COMMD1: variants seen among roughly 807,000 people sequenced by gnomAD.
COMMD1 encodes copper metabolism domain containing 1, also known as COMM domain-containing protein 1.
COMMD1 carries 10 observed loss-of-function variants against 17.2 expected under a neutral mutation model. The ratio of observed to expected loss-of-function variants is 0.58; its 90% CI spans 0.36 to 0.99. The LOEUF (loss-of-function observed/expected upper bound fraction) is 0.99. Among genes scored for constraint, COMMD1 ranks in the 50% least tolerant of loss-of-function variants. The probability of loss-of-function intolerance (pLI) is 0.01; values close to 1 mark genes in which losing one functional copy is unlikely to be tolerated. For missense variants in COMMD1, 270 were observed against 231.8 expected, an observed-to-expected ratio of 1.17 and a Z score of -1.07; for synonymous variants, 97 against 91.6, an observed-to-expected ratio of 1.06 and a Z score of -0.34.
At chr2:62,017,202 A>G (rs1669472643) in intron 2 of COMMD1, among the ~76,000 whole-genome samples, 1 of 152,196 alleles carries the variant, frequency 6.6e-6, no homozygotes, top group Non-Finnish European at 1.5e-5. Flanking sequence ...AATTTTAATG[A>G]GCCATTTTAT....
intron 1 of COMMD1, among the ~76,000 whole-genome samples, chr2:61,930,001 A>G (rs1333031851): frequency 5.3e-5 from 8 of 151,944 alleles, no homozygotes; most frequent in African/African-American, 1.7e-4. Flanking sequence ...CCATAAACCT[A>G]AGATGGGGGG....
At chr2:61,984,874 G>A (rs1431405510) in intron 1 of COMMD1, among the ~76,000 whole-genome samples, 1 of 151,184 alleles carries the variant, frequency 6.6e-6, no homozygotes, top group Non-Finnish European at 1.5e-5. Flanking sequence ...TTATTGTTTT[G>A]CTGAATTGGC....
At chr2:61,929,406 C>T (rs180844132) in intron 1 of COMMD1, among the ~76,000 whole-genome samples, 1 of 152,250 alleles carries the variant, frequency 6.6e-6, no homozygotes, top group East Asian at 1.9e-4. Context: ...CTTCTTATAC[C>T]TAGAAGAAAG....
chr2:61,958,554 A>T (rs547084708), intron 1 of COMMD1, among the ~76,000 whole-genome samples: 271 of 152,266 alleles, frequency 1.8e-3, no homozygotes, highest in African/African-American at 5.5e-3. Flanking sequence ...GATGTGAGGT[A>T]CCTTGCCTGG....
At chr2:62,011,910 A>G (rs1186858679) in intron 2 of COMMD1, among the ~76,000 whole-genome samples, 1 of 152,144 alleles carries the variant, frequency 6.6e-6, no homozygotes. Flanking sequence ...TGATACAGGC[A>G]AGATGGATTC....
chr2:61,925,260 A>T (rs1670300437), intron 1 of COMMD1, among the ~76,000 whole-genome samples: 2 of 151,956 alleles, frequency 1.3e-5, no homozygotes, highest in Admixed American at 6.6e-5. Flanking sequence ...TGGCACCATA[A>T]TGTAAGGTTA....
intron 2 of COMMD1, among the ~76,000 whole-genome samples, chr2:62,105,507 G>C (rs1372645404): frequency 6.6e-6 from 1 of 152,196 alleles, no homozygotes; most frequent in Non-Finnish European, 1.5e-5. Flanking sequence ...GTGAGAGGGA[G>C]GGGGAGGGAT....
At chr2:62,044,636 G>A (rs1231194215) in intron 2 of COMMD1, among the ~76,000 whole-genome samples, 6 of 152,068 alleles carry the variant, frequency 3.9e-5, no homozygotes, top group South Asian at 2.1e-4. Context: ...TTAAGGATTG[G>A]GATTAGTGTT....
intron 2 of COMMD1, among the ~76,000 whole-genome samples, chr2:62,097,238 C>T (rs1476873068): frequency 2.0e-5 from 3 of 152,152 alleles, no homozygotes. Context: ...TGGTGTATTC[C>T]AAGGGCTGGT....
intron 2 of COMMD1, among the ~76,000 whole-genome samples, chr2:62,101,257 C>CT: frequency 6.6e-6 from 1 of 152,160 alleles, no homozygotes; most frequent in East Asian, 1.9e-4. Flanking sequence ...AATTCTGATA[C>CT]TACCCAGAGT....
chr2:61,897,664 G>C (rs1310371148), intron 1 of COMMD1, among the ~76,000 whole-genome samples: 1 of 152,104 alleles, frequency 6.6e-6, no homozygotes, highest in Admixed American at 6.5e-5. Flanking sequence ...CAGGAGAATC[G>C]CGTGAACCCA....
intron 2 of COMMD1, among the ~76,000 whole-genome samples, chr2:62,086,762 G>C (rs936465026): frequency 3.3e-5 from 5 of 151,984 alleles, no homozygotes; most frequent in African/African-American, 1.2e-4. Flanking sequence ...AACTTATTTT[G>C]GGTGCAGTTT....
Position 62,092,455 on chromosome 2 carries a change from A to G in COMMD1, c.463-43376A>G, listed in dbSNP as rs1671860289. On this transcript the variant is annotated intron_variant, in intron 2 of 2. Coordinates refer to ENST00000311832, the MANE Select transcript of COMMD1 (RefSeq NM_152516.4). ...GTGTCAGAGACTGGTTCAGAAGTCC[A>G]GGGGCGGTCAGGAAAGTGGTCAAGT... Among the ~76,000 whole-genome samples, 4 of 152,322 alleles carry G rather than the reference A, an allele frequency of 2.6e-5. 1 individual carries two copies. The South Asian group carries it at 6.2e-4, about 24-fold the overall frequency.
chr2:62,045,421 A>AT (rs1670351977), intron 2 of COMMD1, among the ~76,000 whole-genome samples: 1 of 152,194 alleles, frequency 6.6e-6, no homozygotes, highest in Non-Finnish European at 1.5e-5. Flanking sequence ...CTATACCTAT[A>AT]TCTTAGCAGA....
chr2:61,955,272 A>G (rs982496904), intron 1 of COMMD1, among the ~76,000 whole-genome samples: 1 of 151,782 alleles, frequency 6.6e-6, no homozygotes, highest in East Asian at 1.9e-4. Flanking sequence ...GAGGATTGCT[A>G]GAGCTGAGGT....
At chr2:61,922,113 C>T (rs150050995) in intron 1 of COMMD1, among the ~76,000 whole-genome samples, 3 of 151,948 alleles carry the variant, frequency 2.0e-5, no homozygotes, top group Non-Finnish European at 4.4e-5. Context: ...AGTAGGTCTT[C>T]GTTTTATAAT....
chr2:61,911,082 TAAA>T (rs546105525), intron 1 of COMMD1, among the ~76,000 whole-genome samples: 10 of 143,660 alleles, frequency 7.0e-5, no homozygotes, highest in Non-Finnish European at 1.5e-5. Context: ...AAACCCCATC[TAAA>T]AAAAAAAAAA....
chr2:62,068,696 C>G (rs553887034), intron 2 of COMMD1, among the ~76,000 whole-genome samples: 8 of 147,472 alleles, frequency 5.4e-5, no homozygotes, highest in Non-Finnish European at 1.0e-4. Context: ...GCGATCTCGG[C>G]TCACTGTAAC....
chr2:62,020,995 G>A (rs1411940027), intron 2 of COMMD1, among the ~76,000 whole-genome samples: 6 of 148,180 alleles, frequency 4.0e-5, no homozygotes, highest in Non-Finnish European at 7.4e-5. Flanking sequence ...AAGAGCAAAA[G>A]TCCGTCTCAA....
Sources: gnomAD v4.1 joint callset for allele counts (sites outside exome capture counted in the v4.1 genomes callset) on GRCh38, gnomAD v4.1.1 for gene constraint, MANE v1.5 for transcripts, NCBI Gene and HGNC (gene_info 2026-07-23, HGNC 2026-07-21) for gene names.